Variants in POLE2 observed in about 807,000 individuals in gnomAD.
POLE2 encodes the protein DNA polymerase epsilon subunit 2.
In POLE2, 56 loss-of-function variants were observed where a neutral mutation model predicts 79.4. The ratio of observed to expected loss-of-function variants is 0.71; its 90% confidence interval spans 0.57 to 0.88. The LOEUF is 0.88. POLE2 is among the 40% of genes least tolerant of loss of function. The pLI, the probability that POLE2 is intolerant of heterozygous loss-of-function variation, is 0.00. For missense variants in POLE2, 598 were observed against 638.9 expected, an observed-to-expected ratio of 0.94 and a Z score of 0.69; for synonymous variants, 212 against 214.0, an observed-to-expected ratio of 0.99 and a Z score of 0.08.
chr14:49,685,589 C>T (rs1293607469), intron 1 of POLE2, among the ~76,000 whole-genome samples: 2 of 152,022 alleles, frequency 1.3e-5, no homozygotes, highest in Non-Finnish European at 2.9e-5. Flanking sequence ...ACTCTTCTCT[C>T]CACCTAGTCA....
chr14:49,676,749 G>C (rs571756734), intron 3 of POLE2, among the ~76,000 whole-genome samples: 2 of 152,348 alleles, frequency 1.3e-5, no homozygotes, highest in East Asian at 3.9e-4. Context: ...GTGGGAGCAG[G>C]AGCTGCCCAA....
chr14:49,683,586 T>C lies in POLE2; in HGVS notation c.169+7A>G. On this transcript the variant is annotated splice_region_variant and intron_variant, in intron 2 of 18. Transcript: ENST00000216367. Reference sequence around the variant, plus strand: ...CAATTTAGGAGTTATCAGAAAATATTACTTACAGGGTTGCTTCTCAACTGC... The same window carrying C: ...CAATTTAGGAGTTATCAGAAAATATCACTTACAGGGTTGCTTCTCAACTGC... The C allele has an allele frequency of 7.6e-7, 1 of 1,309,154 alleles. No homozygotes were observed. The highest frequency in any genetic ancestry group is 1.1e-6 in the Non-Finnish European group (1 of 911,402). 81.1% of individuals were successfully genotyped at this position (1,309,154 alleles called of 1,614,324 possible).
intron 3 of POLE2, among the ~76,000 whole-genome samples, chr14:49,678,804 G>A (rs1370064522): frequency 2.0e-5 from 3 of 151,706 alleles, no homozygotes; most frequent in East Asian, 1.9e-4. Flanking sequence ...TTACAGGTGC[G>A]CCCCACTACC....
intron 6 of POLE2, among the ~76,000 whole-genome samples, chr14:49,667,552 C>CT (rs34430638): frequency 0.18 from 25,955 of 141,346 alleles, 2,403 homozygotes; most frequent in African/African-American, 0.21. Context: ...CAGATAGAAA[C>CT]TTTTTTTTTT....
intron 13 of POLE2, 195 bp downstream of exon 13, chr14:49,654,589 C>CTCTA (rs1381451811): frequency 1.6e-6 from 1 of 610,570 alleles, no homozygotes; most frequent in East Asian, 3.5e-5. Flanking sequence ...CTGAAATTAC[C>CTCTA]TCTATCCCTT....
chr14:49,651,517 T>TC (rs1434012849), intron 15 of POLE2, 140 bp from the exon 16 acceptor site: 3 of 498,394 alleles, frequency 6.0e-6, no homozygotes, highest in Non-Finnish European at 1.1e-5. Context: ...TGTCTATTCA[T>TC]CTATTCATTT....
intron 3 of POLE2, among the ~76,000 whole-genome samples, chr14:49,679,082 A>C (rs1385949372): frequency 6.6e-6 from 1 of 152,196 alleles, no homozygotes; most frequent in African/African-American, 2.4e-5. Flanking sequence ...AATAAAGATA[A>C]TGACTCCTTT....
At chr14:49,685,756 T>A (rs1887082756) in intron 1 of POLE2, among the ~76,000 whole-genome samples, 1 of 151,818 alleles carries the variant, frequency 6.6e-6, no homozygotes, top group Non-Finnish European at 1.5e-5. Flanking sequence ...GTAGCTGGGG[T>A]TACAGGTGCA....
intron 10 of POLE2, among the ~76,000 whole-genome samples, chr14:49,656,263 GA>G (rs1773587630): frequency 2.0e-5 from 3 of 151,882 alleles, no homozygotes; most frequent in South Asian, 4.2e-4. Context: ...GATGAGACAG[GA>G]GAATGGCGTG....
rs1886100917 is a variant in POLE2 at position 49,674,334 on chromosome 14, T to C, written c.323+16A>G. On this transcript the variant is annotated intron_variant, in intron 4 of 18. Transcript: ENST00000216367. Reference sequence around the variant, plus strand: ...ACATTTGAAATTAATTTAAAATCAGTGGATGACATACTTACGGAAGAAATT... The same window carrying C: ...ACATTTGAAATTAATTTAAAATCAGCGGATGACATACTTACGGAAGAAATT... The C allele has an allele frequency of 1.3e-6, 2 of 1,550,988 alleles. No homozygotes were observed.
rs577886157 is a variant in POLE2 at position 49,687,278 on chromosome 14, C to CATATAT, written c.68+852_68+857dup. 4.6e-4 allele frequency among the ~76,000 whole-genome samples: 64 copies of CATATAT among 140,012 alleles called. 1 individual carries two copies. Among genetic ancestry groups the CATATAT allele is most frequent in the African/African-American group, 1.7e-3 (64 of 37,736 alleles). The allele number at this position is 140,012 out of a possible 152,430, so 91.9% of individuals were successfully genotyped here. On this transcript the variant is annotated intron_variant, in intron 1 of 18. Coordinates refer to ENST00000216367, the MANE Select transcript of POLE2 (RefSeq NM_002692.4). ...ACCATGACTCAAAAAAAAAAAAATA[C>CATATAT]ATATATATATATACACACACACCAC...
intron 3 of POLE2, 40 bp downstream of exon 3, chr14:49,679,685 A>G (rs754662143): frequency 6.9e-6 from 7 of 1,007,324 alleles, no homozygotes; most frequent in Non-Finnish European, 1.1e-5. Context: ...GTGCTCAATA[A>G]CACCTCCAAG....
intron 10 of POLE2, among the ~76,000 whole-genome samples, chr14:49,661,075 C>G (rs1387683164): frequency 6.6e-6 from 1 of 152,064 alleles, no homozygotes; most frequent in Admixed American, 6.6e-5. Context: ...CGCATGCCAC[C>G]ACACCTGGCT....
chr14:49,657,241 A>G (rs1884753856), intron 10 of POLE2, among the ~76,000 whole-genome samples: 2 of 152,212 alleles, frequency 1.3e-5, no homozygotes, highest in African/African-American at 4.8e-5. Context: ...TCATGCTATA[A>G]AACAATATTT....
intron 18 of POLE2, among the ~76,000 whole-genome samples, chr14:49,645,645 C>G (rs1480749980): frequency 6.6e-6 from 1 of 152,168 alleles, no homozygotes; most frequent in Non-Finnish European, 1.5e-5. Context: ...AGACAGGGTA[C>G]TTGACAGCTG....
intron 18 of POLE2, chr14:49,646,434 A>AG (rs1883783356): frequency 6.8e-6 from 1 of 147,260 alleles, no homozygotes; most frequent in African/African-American, 2.5e-5. Flanking sequence ...CTCCTGCCTT[A>AG]GCCTCCTTCT....
At chr14:49,670,654 T>C (rs1006908814) in intron 5 of POLE2, among the ~76,000 whole-genome samples, 1 of 152,228 alleles carries the variant, frequency 6.6e-6, no homozygotes, top group African/African-American at 2.4e-5. Context: ...TTCAAGACTT[T>C]TGCTAGAGCT....
At chr14:49,677,091 G>A (rs1370793660) in intron 3 of POLE2, among the ~76,000 whole-genome samples, 1 of 152,226 alleles carries the variant, frequency 6.6e-6, no homozygotes, top group East Asian at 1.9e-4. Flanking sequence ...GGACCTAGTG[G>A]AGGGGTTACA....
chr14:49,672,641 G>A (rs1462791777), intron 5 of POLE2, among the ~76,000 whole-genome samples: 1 of 151,696 alleles, frequency 6.6e-6, no homozygotes, highest in Non-Finnish European at 1.5e-5. Flanking sequence ...CTGGGATTAC[G>A]AGCATGTGCC....
Sources: allele counts gnomAD v4.1 joint callset (sites outside exome capture counted in the v4.1 genomes callset), GRCh38; gene constraint gnomAD v4.1.1; transcripts MANE v1.5; gene names NCBI Gene and HGNC (gene_info 2026-07-23, HGNC 2026-07-21).